Variants in UPF1 observed in about 807,000 individuals in gnomAD.
The protein encoded by UPF1 is regulator of nonsense transcripts 1.
In UPF1, 9 loss-of-function variants were observed where a neutral mutation model predicts 129.2. The observed-to-expected ratio is 0.07, with a 90% CI of 0.04 to 0.12. UPF1 has a LOEUF of 0.12. Among genes scored for constraint, UPF1 ranks in the 10% least tolerant of loss-of-function variants. The probability of loss-of-function intolerance (pLI) is 1.00; values close to 1 mark genes in which losing one functional copy is unlikely to be tolerated. For missense variants in UPF1, 788 were observed against 1,525.3 expected (o/e 0.52, Z 8.05); for synonymous variants, 649 against 644.9 (o/e 1.01, Z -0.10).
In UPF1 at chr19:18,867,663, G is replaced by C. The variant is rs1056026799; in HGVS notation, c.*1146G>C. On this transcript the variant is annotated 3_prime_UTR_variant, in exon 24 of 24. Coordinates refer to ENST00000262803, the MANE Select transcript of UPF1 (RefSeq NM_002911.4). ...TGCTGATGGGGTGATTGCTGCTTCT[G>C]GGGGGTAAGGAAACAAGTTACAGAA... The C allele has an allele frequency of 1.3e-5, 2 of 152,636 alleles. No individual in the cohort carries two copies. Among genetic ancestry groups the C allele is most frequent in the African/African-American group, 4.8e-5 (2 of 41,476 alleles). 9.5% of individuals were successfully genotyped at this position (152,636 alleles called of 1,614,324 possible).
Position 18,850,685 on chromosome 19 carries a change from C to G in UPF1, c.630-3C>G. The G allele has an allele frequency of 6.4e-7, 1 of 1,573,192 alleles. No individual in the cohort carries two copies. The highest frequency in any genetic ancestry group is 8.6e-7 in the Non-Finnish European group (1 of 1,156,728). ...GTCCTCACGGCCCCCTCCCGCTCTG[C>G]AGGCAGCCCTGTGCCAGCCAGAGCA... On this transcript the variant is annotated splice_polypyrimidine_tract_variant and splice_region_variant and intron_variant, in intron 4 of 23. Coordinates refer to ENST00000262803, the MANE Select transcript of UPF1 (RefSeq NM_002911.4). The surrounding 1 kb of genome is among the most constrained non-coding windows in gnomAD (Gnocchi z 7.1).
chr19:18,857,584 G>A (rs2055732479), intron 15 of UPF1, 51 bp downstream of exon 15: 1 of 1,518,378 alleles, frequency 6.6e-7, no homozygotes, highest in Non-Finnish European at 8.8e-7. Flanking sequence ...GCGGCATCAA[G>A]GGAATGTGGA....
rs773705075 is a variant in UPF1 at position 18,860,300 on chromosome 19, C to G, written c.2183-21C>G. On this transcript the variant is annotated intron_variant, in intron 15 of 23. Transcript: ENST00000262803. ...GCGGGCTAGGGCTTTTGAAGTGTTACTTCTTTCCCTCCCCTCACAGCGGAT... is the reference window on the plus strand; with the variant it reads ...GCGGGCTAGGGCTTTTGAAGTGTTAGTTCTTTCCCTCCCCTCACAGCGGAT... 6 of 1,612,796 alleles carry G rather than the reference C, an allele frequency of 3.7e-6. No homozygotes were observed. In the Admixed American group the frequency reaches 5.0e-5, roughly 13 times the overall value.
chr19:18,858,943 C>T (rs1166486650), intron 15 of UPF1, among the ~76,000 whole-genome samples: 6 of 152,194 alleles, frequency 3.9e-5, no homozygotes, highest in Admixed American at 1.3e-4. Context: ...GCCGACACAG[C>T]GCCTCATGAA....
Position 18,857,454 on chromosome 19 carries a change from G to A in UPF1, c.2103G>A (p.Gln701=), listed in dbSNP as rs768689958. Residue 701 remains glutamine, a synonymous_variant, in exon 15 of 24, where the codon CAG becomes CAA. Coordinates refer to ENST00000262803, the MANE Select transcript of UPF1 (RefSeq NM_002911.4). ...TCCGGCCCATCCGCCTGCAGGTCCA[G>A]TACCGGATGCACCCTGCACTCAGCG... is the stretch of plus-strand genomic sequence containing the variant. ...LGIRPIRLQV[Q]YRMHPALSAF... The A allele has an allele frequency of 3.1e-6, 5 of 1,613,780 alleles. No individual in the cohort carries two copies. The highest frequency in any genetic ancestry group is 4.2e-6 in the Non-Finnish European group (5 of 1,180,030).
At chr19:18,839,422 T>G (rs916145836) in intron 1 of UPF1, among the ~76,000 whole-genome samples, 4 of 152,184 alleles carry the variant, frequency 2.6e-5, no homozygotes, top group African/African-American at 9.7e-5. Context: ...AGTGCTGTTT[T>G]AGTAAATTTA....
Position 18,832,157 on chromosome 19 carries a change from G to A in UPF1, c.-53G>A, listed in dbSNP as rs1382484799. The A allele has an allele frequency of 2.0e-6, 3 of 1,470,924 alleles. No homozygotes were observed. Among genetic ancestry groups the A allele is most frequent in the Non-Finnish European group, 2.7e-6 (3 of 1,102,972 alleles). The allele number at this position is 1,470,924 out of a possible 1,614,324, so 91.1% of individuals were successfully genotyped here. A position where few individuals can be genotyped will look rare whatever the true frequency, so the allele number is the denominator to read the frequency against. On this transcript the variant is annotated 5_prime_UTR_variant, in exon 1 of 24. Transcript: ENST00000262803. The surrounding 1 kb of genome is among the most constrained non-coding windows in gnomAD (Gnocchi z 5.6). ...CCTGCGGCCTAGGCCTCAGCGCGGC[G>A]GCGGGCTCGAGTGCAGCGCGGAACC... is the stretch of plus-strand genomic sequence containing the variant.
intron 1 of UPF1, among the ~76,000 whole-genome samples, chr19:18,838,445 T>A (rs2145933039): frequency 6.6e-6 from 1 of 152,248 alleles, no homozygotes; most frequent in South Asian, 2.1e-4. Context: ...GGTCAGGAGT[T>A]CCAGACCAGC....
chr19:18,862,230 G>A, intron 18 of UPF1, 78 bp downstream of exon 18: 1 of 1,568,772 alleles, frequency 6.4e-7, no homozygotes, highest in Non-Finnish European at 8.6e-7. Context: ...CTAGGGTTGG[G>A]GGTTGCCAGG....
rs2055616937 is a variant in UPF1 at position 18,847,849 on chromosome 19, A to G, written c.461+16A>G. On this transcript the variant is annotated intron_variant, in intron 3 of 23. Coordinates refer to ENST00000262803, the MANE Select transcript of UPF1 (RefSeq NM_002911.4). Reference sequence around the variant, plus strand: ...CTTCTGGCAGGTAGATAATCAGACCATGCATGTGTGTTTAATCAGTGCTGT... The same window carrying G: ...CTTCTGGCAGGTAGATAATCAGACCGTGCATGTGTGTTTAATCAGTGCTGT... 7 of 1,612,472 alleles carry G rather than the reference A, an allele frequency of 4.3e-6. 1 individual carries two copies. Among genetic ancestry groups the G allele is most frequent in the Non-Finnish European group, 4.2e-6 (5 of 1,178,450 alleles).
chr19:18,851,746 C>T lies in UPF1; in HGVS notation c.811-389C>T, dbSNP rs570623447. The stretch of plus-strand genomic sequence containing the variant: ...GTGGTCTTTGTGGCAGCCTGCGAGG[C>T]GGGTTAGCTGCTCTCGTTCACAAGC... On this transcript the variant is annotated intron_variant, in intron 5 of 23. Transcript: ENST00000262803. This position sits in a 1 kb window ranked among gnomAD's most constrained non-coding sequence, Gnocchi z 4.2. 1.1e-4 allele frequency among the ~76,000 whole-genome samples: 16 copies of T among 152,336 alleles called. No homozygotes were observed. Among genetic ancestry groups the T allele is most frequent in the Admixed American group, 2.0e-4 (3 of 15,304 alleles).
Position 18,865,854 on chromosome 19 carries a change from C to A in UPF1, c.3237+76C>A. On this transcript the variant is annotated intron_variant, in intron 22 of 23. Coordinates refer to ENST00000262803, the MANE Select transcript of UPF1 (RefSeq NM_002911.4). This position sits in a 1 kb window ranked among gnomAD's most constrained non-coding sequence, Gnocchi z 6.1. The stretch of plus-strand genomic sequence containing the variant: ...ACCTGAAACATTCCCTCTGAAGAGC[C>A]CCAGAGAGCTGGCCTGGCCCATGTC... 1 of 1,593,884 alleles carries A rather than the reference C, an allele frequency of 6.3e-7. No homozygotes were observed.
rs745749178 is a variant in UPF1 at position 18,852,246 on chromosome 19, C to T, written c.922C>T (p.Pro308Ser). Residue 308 changes from proline (P) to serine (S), a missense_variant, in exon 6 of 24, where the codon CCC becomes TCC. Pro to Ser is a moderately conservative substitution (Grantham distance 74). Around this residue, in one of 6 missense-constraint regions of UPF1, gnomAD observed 227 missense variants for 517.9 expected, o/e 0.44. Transcript: ENST00000262803. Reference sequence around the variant, plus strand: ...CTACCAGTACCAGAACATATTCGGGCCCCTGGTCAAGCTGGAGGCCGACTA... The same window carrying T: ...CTACCAGTACCAGAACATATTCGGGTCCCTGGTCAAGCTGGAGGCCGACTA... ...DAYQYQNIFG[P>S]LVKLEADYDK... 6.2e-7 allele frequency: 1 copy of T among 1,613,720 alleles called. No homozygotes were observed. The highest frequency in any genetic ancestry group is 8.5e-7 in the Non-Finnish European group (1 of 1,179,796).
intron 16 of UPF1, 25 bp downstream of exon 16, chr19:18,860,463 G>A (rs368434499): frequency 2.1e-5 from 33 of 1,605,684 alleles, no homozygotes; most frequent in Middle Eastern, 3.3e-4. Context: ...GCCCACCGGC[G>A]TCTGCAGGTC....
At chr19:18,833,622 G>A (rs927627692) in intron 1 of UPF1, among the ~76,000 whole-genome samples, 5 of 151,520 alleles carry the variant, frequency 3.3e-5, no homozygotes, top group Admixed American at 1.3e-4. Context: ...TCACCCTCTG[G>A]ATTTCAGGTT....
Position 18,867,731 on chromosome 19 carries a change from T to C in UPF1, c.*1214T>C, listed in dbSNP as rs2145980780. On this transcript the variant is annotated 3_prime_UTR_variant, in exon 24 of 24. Coordinates refer to ENST00000262803, the MANE Select transcript of UPF1 (RefSeq NM_002911.4). ...GAAGGGACTGAGGGTGTGGTGTCAT[T>C]GGCAGAGGGTCATTTTAGGAGAGCT... The C allele has an allele frequency of 6.6e-6, 1 of 152,408 alleles. No homozygotes were observed. The highest frequency in any genetic ancestry group is 1.5e-5 in the Non-Finnish European group (1 of 68,062). 9.4% of individuals were successfully genotyped at this position (152,408 alleles called of 1,614,324 possible).
At position 18,865,916 on chromosome 19, in the gene UPF1, CAG is replaced by C. The variant is rs150126492; in HGVS notation, c.3238-125_3238-124del. On this transcript the variant is annotated intron_variant, in intron 22 of 23. Coordinates refer to ENST00000262803, the MANE Select transcript of UPF1 (RefSeq NM_002911.4). The surrounding 1 kb of genome is among the most constrained non-coding windows in gnomAD (Gnocchi z 6.1). ...TTACCTGTCCCTGGGCTGGGGTCAT[CAG>C]AGTGGGTCTCCTGGGTCTTAGTTTG... 3.0e-3 allele frequency: 4,728 copies of C among 1,579,582 alleles called. 20 individuals carry two copies. The highest frequency in any genetic ancestry group is 2.9e-3 in the Non-Finnish European group (3,341 of 1,164,472).
At position 18,850,987 on chromosome 19, in the gene UPF1, A is replaced by G; in HGVS notation, c.810+119A>G. ...GCTGGAGATTCTCTGAAAGGAATTC[A>G]GGCAGACCTCTGCCACCTCTACGTG... On this transcript the variant is annotated intron_variant, in intron 5 of 23. Transcript: ENST00000262803. The surrounding 1 kb of genome is among the most constrained non-coding windows in gnomAD (Gnocchi z 7.1). The G allele has an allele frequency of 3.9e-6, 5 of 1,289,818 alleles. No homozygotes were observed. Among genetic ancestry groups the G allele is most frequent in the Non-Finnish European group, 4.1e-6 (4 of 974,920 alleles). The allele number at this position is 1,289,818 out of a possible 1,614,324, so 79.9% of individuals were successfully genotyped here. A position where few individuals can be genotyped will look rare whatever the true frequency, so the allele number is the denominator to read the frequency against.
At chr19:18,843,290 G>T (rs998772469) in intron 1 of UPF1, among the ~76,000 whole-genome samples, 7 of 152,084 alleles carry the variant, frequency 4.6e-5, no homozygotes, top group African/African-American at 1.7e-4. Flanking sequence ...CCCCACGGGG[G>T]CCTTGAGGTG....
Sources: allele counts gnomAD v4.1 joint callset (sites outside exome capture counted in the v4.1 genomes callset), GRCh38; gene constraint gnomAD v4.1.1; regional missense constraint gnomAD v4.1.1; non-coding constraint Gnocchi (gnomAD v3.1); transcripts MANE v1.5; gene names NCBI Gene and HGNC (gene_info 2026-07-23, HGNC 2026-07-21).